HIVEP3: variants seen among roughly 807,000 people sequenced by gnomAD.
HIVEP3 encodes transcription factor HIVEP3.
In HIVEP3, 49 loss-of-function variants were observed where a neutral mutation model predicts 152.8. That is an observed-to-expected ratio of 0.32 (90% CI 0.26 to 0.41). The LOEUF is 0.41. Among genes scored for constraint, HIVEP3 ranks in the 10% least tolerant of loss-of-function variants. The pLI is 1.00. For missense variants in HIVEP3, 2,790 were observed against 3,103.3 expected, an observed-to-expected ratio of 0.90 and a Z score of 2.40; for synonymous variants, 1,269 against 1,289.0, an observed-to-expected ratio of 0.98 and a Z score of 0.33.
intron 1 of HIVEP3, among the ~76,000 whole-genome samples, chr1:41,849,296 C>T (rs187656308): frequency 4.5e-4 from 69 of 152,290 alleles, no homozygotes; most frequent in African/African-American, 1.4e-3. Flanking sequence ...GACAGATGCA[C>T]GCAGATATAT....
intron 1 of HIVEP3, among the ~76,000 whole-genome samples, chr1:41,859,866 T>C (rs1043813260): frequency 1.3e-5 from 2 of 152,196 alleles, no homozygotes; most frequent in African/African-American, 4.8e-5. Context: ...CCCGTTTTCA[T>C]AATTAGATGC....
chr1:41,965,646 T>C (rs761636603), intron 1 of HIVEP3, among the ~76,000 whole-genome samples: 9 of 152,268 alleles, frequency 5.9e-5, no homozygotes, highest in Middle Eastern at 3.4e-3. Flanking sequence ...GAAGGCTATC[T>C]TGCTGAAGTA....
intron 1 of HIVEP3, among the ~76,000 whole-genome samples, chr1:41,783,618 C>T (rs1649180331): frequency 6.6e-6 from 1 of 152,178 alleles, no homozygotes; most frequent in Non-Finnish European, 1.5e-5. Context: ...CACACAGAGA[C>T]ACACACACTC....
At chr1:41,893,825 T>C (rs1471776847) in intron 1 of HIVEP3, among the ~76,000 whole-genome samples, 2 of 147,088 alleles carry the variant, frequency 1.4e-5, no homozygotes, top group Non-Finnish European at 3.0e-5. Context: ...ATACATTATA[T>C]AACATATAAT....
intron 1 of HIVEP3, among the ~76,000 whole-genome samples, chr1:41,959,641 A>G (rs1372895694): frequency 6.6e-6 from 1 of 152,190 alleles, no homozygotes; most frequent in African/African-American, 2.4e-5. Context: ...AACCAAAGCC[A>G]TAATATGGGG....
chr1:41,939,948 T>C (rs1474959950), intron 1 of HIVEP3, among the ~76,000 whole-genome samples: 1 of 152,192 alleles, frequency 6.6e-6, no homozygotes, highest in African/African-American at 2.4e-5. Context: ...ATTAATATAT[T>C]TTCATTATTG....
chr1:41,689,315 C>T (rs773707350), intron 2 of HIVEP3, among the ~76,000 whole-genome samples: 38 of 152,296 alleles, frequency 2.5e-4, no homozygotes, highest in Non-Finnish European at 4.6e-4. Context: ...CCTGTTAGAA[C>T]TGTGTGCAAA....
intron 1 of HIVEP3, among the ~76,000 whole-genome samples, chr1:41,874,696 A>G (rs1644138816): frequency 6.6e-6 from 1 of 152,238 alleles, no homozygotes; most frequent in African/African-American, 2.4e-5. Flanking sequence ...GGATTCTATT[A>G]GAAAACAGCT....
chr1:41,599,896 A>T (rs1219579490), intron 3 of HIVEP3, among the ~76,000 whole-genome samples: 3 of 152,234 alleles, frequency 2.0e-5, no homozygotes, highest in Non-Finnish European at 4.4e-5. Flanking sequence ...TTTTTAAAAA[A>T]ATGAGCAAAG....
chr1:41,558,936 G>A (rs1644012454), intron 5 of HIVEP3, among the ~76,000 whole-genome samples: 1 of 152,062 alleles, frequency 6.6e-6, no homozygotes, highest in Non-Finnish European at 1.5e-5. Flanking sequence ...TGCCTGCCCA[G>A]TAAGCCTGTC....
intron 1 of HIVEP3, among the ~76,000 whole-genome samples, chr1:42,027,673 G>A (rs867525384): frequency 1.4e-4 from 21 of 152,260 alleles, no homozygotes; most frequent in Middle Eastern, 3.4e-3. Context: ...AGACATACCC[G>A]AAACTGGGAA....
chr1:41,555,136 G>A (rs938139541), intron 5 of HIVEP3, among the ~76,000 whole-genome samples: 3 of 152,240 alleles, frequency 2.0e-5, no homozygotes, highest in African/African-American at 7.2e-5. Flanking sequence ...TTGCTGAACT[G>A]TTGTGGACTC....
At chr1:41,879,003 A>T (rs1644219523) in intron 1 of HIVEP3, among the ~76,000 whole-genome samples, 1 of 151,280 alleles carries the variant, frequency 6.6e-6, no homozygotes, top group African/African-American at 2.4e-5. Flanking sequence ...CCCCATTTTT[A>T]GGTTTTACTT....
intron 1 of HIVEP3, among the ~76,000 whole-genome samples, chr1:41,855,839 T>C (rs569706736): frequency 6.6e-6 from 1 of 152,304 alleles, no homozygotes; most frequent in African/African-American, 2.4e-5. Flanking sequence ...GTCTTGGTGA[T>C]GGCCAGACAA....
intron 1 of HIVEP3, among the ~76,000 whole-genome samples, chr1:41,842,566 G>C (rs1239916457): frequency 1.3e-5 from 2 of 152,128 alleles, no homozygotes; most frequent in Admixed American, 1.3e-4. Context: ...GGTCTTGGTG[G>C]AAAGAGCTCC....
intron 5 of HIVEP3, among the ~76,000 whole-genome samples, chr1:41,544,798 T>TCAC (rs1248412071): frequency 2.8e-5 from 1 of 35,922 alleles, no homozygotes; most frequent in Non-Finnish European, 5.1e-5. Flanking sequence ...ACTGCTACCA[T>TCAC]CACCACCACC....
chr1:41,817,963 AC>A (rs1642461204), intron 1 of HIVEP3, among the ~76,000 whole-genome samples: 1 of 152,046 alleles, frequency 6.6e-6, no homozygotes, highest in Non-Finnish European at 1.5e-5. Flanking sequence ...TCCTGATTCC[AC>A]CCTCTTGAGC....
chr1:41,574,545 G>A (rs946669446), intron 5 of HIVEP3, among the ~76,000 whole-genome samples: 8 of 152,144 alleles, frequency 5.3e-5, no homozygotes, highest in African/African-American at 1.4e-4. Flanking sequence ...GAGGGTGGCA[G>A]TCTCTGTTGT....
At chr1:41,522,379 A>G (rs2149051278) in intron 6 of HIVEP3, among the ~76,000 whole-genome samples, 1 of 152,142 alleles carries the variant, frequency 6.6e-6, no homozygotes, top group South Asian at 2.1e-4. Context: ...TTCAGATTCC[A>G]CCATTTCCCA....
Sources: gnomAD v4.1 joint callset for allele counts (sites outside exome capture counted in the v4.1 genomes callset) on GRCh38, gnomAD v4.1.1 for gene constraint, MANE v1.5 for transcripts, NCBI Gene and HGNC (gene_info 2026-07-23, HGNC 2026-07-21) for gene names.